ST8SIA5: variants seen among roughly 807,000 people sequenced by gnomAD.
ST8SIA5 encodes the protein alpha-2,8-sialyltransferase 8E.
In ST8SIA5, 24 loss-of-function variants were observed where a neutral mutation model predicts 40.2. That is an observed-to-expected ratio of 0.60 (90% confidence interval 0.43 to 0.84). The LOEUF (loss-of-function observed/expected upper bound fraction) is 0.84. Ranked by LOEUF, ST8SIA5 falls within the 40% of genes least tolerant of loss-of-function variation. The probability of loss-of-function intolerance (pLI) is 0.00; values close to 1 mark genes in which losing one functional copy is unlikely to be tolerated. For synonymous variants in ST8SIA5, 198 were observed against 201.8 expected (o/e 0.98, Z 0.16); for missense variants, 465 against 498.5 (o/e 0.93, Z 0.64).
rs2039402728 is a variant in ST8SIA5 at position 46,682,059 on chromosome 18, TTGCACC to T, written c.570-1_574del. The T allele has an allele frequency of 6.2e-7, 1 of 1,607,454 alleles. No homozygotes were observed. The highest frequency in any genetic ancestry group is 2.2e-5 in the East Asian group (1 of 44,766). Reference sequence around the variant, plus strand: ...GTACTTCTCTGAGATGGGGGGCAGGTTGCACCTGCAGAAGAGAAAAGGCAGCCCAAG... The same window carrying T: ...GTACTTCTCTGAGATGGGGGGCAGGTTGCAGAAGAGAAAAGGCAGCCCAAG... On this transcript the variant is annotated splice_acceptor_variant and coding_sequence_variant, in exon 6 of 7. Transcript: ENST00000315087. LOFTEE classifies it high-confidence loss of function.
At chr18:46,756,010 C>T (rs2040240485) in intron 1 of ST8SIA5, among the ~76,000 whole-genome samples, 1 of 152,218 alleles carries the variant, frequency 6.6e-6, no homozygotes, top group African/African-American at 2.4e-5. Flanking sequence ...ATTTTGAGCC[C>T]TCCGACCCCG....
intron 1 of ST8SIA5, among the ~76,000 whole-genome samples, chr18:46,745,686 A>G (rs2040132833): frequency 6.6e-6 from 1 of 152,246 alleles, no homozygotes; most frequent in Non-Finnish European, 1.5e-5. Context: ...CAATCAATAG[A>G]AAAAGAGGGA....
chr18:46,732,800 G>A (rs765657251), intron 1 of ST8SIA5, among the ~76,000 whole-genome samples: 23 of 152,052 alleles, frequency 1.5e-4, no homozygotes, highest in African/African-American at 2.7e-4. Context: ...TTGTGGGGGC[G>A]AAAGGCTTCA....
chr18:46,743,462 T>G (rs2040107319), intron 1 of ST8SIA5, among the ~76,000 whole-genome samples: 1 of 152,158 alleles, frequency 6.6e-6, no homozygotes, highest in Admixed American at 6.5e-5. Context: ...AGAAAAGGTA[T>G]CAGTGATTGA....
intron 1 of ST8SIA5, among the ~76,000 whole-genome samples, chr18:46,713,940 T>C (rs1341293570): frequency 1.3e-5 from 2 of 152,078 alleles, no homozygotes; most frequent in African/African-American, 2.4e-5. Context: ...GACCTGGTCC[T>C]GGGGCAAGTG....
intron 5 of ST8SIA5, chr18:46,685,958 C>G: frequency 1.7e-6 from 1 of 586,350 alleles, no homozygotes; most frequent in East Asian, 2.8e-5. Flanking sequence ...TAACACATCT[C>G]CCATTGTGCA....
At chr18:46,694,465 A>C (rs1220938289) in intron 2 of ST8SIA5, among the ~76,000 whole-genome samples, 1 of 152,234 alleles carries the variant, frequency 6.6e-6, no homozygotes, top group Admixed American at 6.5e-5. Flanking sequence ...CCTTAAAGGC[A>C]GCACCATGAT....
intron 5 of ST8SIA5, among the ~76,000 whole-genome samples, chr18:46,683,581 G>A (rs2039418485): frequency 6.6e-6 from 1 of 152,012 alleles, no homozygotes. Flanking sequence ...GAAGAATGCG[G>A]TCTTTCGTCA....
At position 46,668,911 on chromosome 18, in the gene ST8SIA5, G is replaced by T. The variant is rs1461132247; in HGVS notation, c.*11131C>A. 6.6e-6 allele frequency: 1 copy of T among 152,436 alleles called. No homozygotes were observed. The highest frequency in any genetic ancestry group is 1.5e-5 in the Non-Finnish European group (1 of 68,194). 9.4% of individuals were successfully genotyped at this position (152,436 alleles called of 1,614,324 possible). On this transcript the variant is annotated 3_prime_UTR_variant, in exon 7 of 7. Transcript: ENST00000315087. ...GGTAGTCTGGCAGGAGCTGCCACTT[G>T]GGACCCCTCCAGCTGCCTCCCACAT...
Position 46,688,868 on chromosome 18 carries a change from C to T in ST8SIA5, c.363G>A (p.Gln121=), listed in dbSNP as rs1172241749. The change falls in exon 4 of 7, where the codon CAG becomes CAA. Residue 121 remains glutamine, a synonymous_variant. Transcript: ENST00000315087. The part of the protein sequence containing the change: ...CNAPAFLFTT[Q]KNTPLGTKLK... ...GCTTTGTCCCCAGGGGAGTGTTCTT[C>T]TGGGTGGTGAAGAGAAAGGCAGGGG... The T allele has an allele frequency of 3.7e-6, 6 of 1,614,140 alleles. No individual in the cohort carries two copies. Among genetic ancestry groups the T allele is most frequent in the Non-Finnish European group, 5.1e-6 (6 of 1,180,012 alleles).
intron 3 of ST8SIA5, among the ~76,000 whole-genome samples, chr18:46,690,777 C>A (rs2039497353): frequency 6.6e-6 from 1 of 152,074 alleles, no homozygotes; most frequent in African/African-American, 2.4e-5. Context: ...CCACACCTGG[C>A]TAATTTCTTT....
Position 46,681,828 on chromosome 18 carries a change from G to C in ST8SIA5, c.662+144C>G, listed in dbSNP as rs375620564. The C allele has an allele frequency of 2.3e-4, 164 of 700,590 alleles. 1 individual carries two copies. The highest frequency in any genetic ancestry group is 3.2e-4 in the Non-Finnish European group (136 of 425,000). The allele number at this position is 700,590 out of a possible 1,614,324, so 43.4% of individuals were successfully genotyped here. A position where few individuals can be genotyped will look rare whatever the true frequency, so the allele number is the denominator to read the frequency against. On this transcript the variant is annotated intron_variant, in intron 6 of 6. Transcript: ENST00000315087. Reference sequence around the variant, plus strand: ...TAATTAGATATGTTATCCTGTTTTTGTATTAAGTCTTTGAAACCCAGTGTG... The same window carrying C: ...TAATTAGATATGTTATCCTGTTTTTCTATTAAGTCTTTGAAACCCAGTGTG...
rs1441627743 is a variant in ST8SIA5 at position 46,679,728 on chromosome 18, G to C, written c.*314C>G. On this transcript the variant is annotated 3_prime_UTR_variant, in exon 7 of 7. Transcript: ENST00000315087. ...TCGGATGACAAAATTGGGTGGAAATGTGCTTTATTCACTTGCCGTCCCCAG... is the reference window on the plus strand; with the variant it reads ...TCGGATGACAAAATTGGGTGGAAATCTGCTTTATTCACTTGCCGTCCCCAG... 5 of 385,246 alleles carry C rather than the reference G, an allele frequency of 1.3e-5. No homozygotes were observed. The highest frequency in any genetic ancestry group is 2.0e-5 in the African/African-American group (1 of 49,628). The allele number at this position is 385,246 out of a possible 1,614,324, so 23.9% of individuals were successfully genotyped here.
intron 1 of ST8SIA5, among the ~76,000 whole-genome samples, chr18:46,740,071 A>G (rs2040073400): frequency 6.6e-6 from 1 of 152,230 alleles, no homozygotes; most frequent in Non-Finnish European, 1.5e-5. Flanking sequence ...CCTACACTCT[A>G]ATCTCTGACT....
In ST8SIA5 at chr18:46,743,427, T is replaced by C. The variant is rs59096021; in HGVS notation, c.131+12951A>G. On this transcript the variant is annotated intron_variant, in intron 1 of 6. Coordinates refer to ENST00000315087, the MANE Select transcript of ST8SIA5 (RefSeq NM_013305.6). ...GAACTTCGTGATGCATGCACAAGCTTCAATAGCCGATTCGATCAAGTGGAA... is the reference window on the plus strand; with the variant it reads ...GAACTTCGTGATGCATGCACAAGCTCCAATAGCCGATTCGATCAAGTGGAA... Among the ~76,000 whole-genome samples, 1,445 of 152,250 alleles carry C rather than the reference T, an allele frequency of 9.5e-3. 23 individuals are homozygous for C. The highest frequency in any genetic ancestry group is 0.032 in the African/African-American group (1,331 of 41,536).
intron 5 of ST8SIA5, among the ~76,000 whole-genome samples, chr18:46,683,999 G>A (rs925316333): frequency 1.3e-5 from 2 of 151,964 alleles, no homozygotes; most frequent in African/African-American, 2.4e-5. Flanking sequence ...TCTAGGACAT[G>A]CCTAGAACAG....
chr18:46,677,180 C>A lies in ST8SIA5; in HGVS notation c.*2862G>T, dbSNP rs1179445484. 6.6e-6 allele frequency: 1 copy of A among 152,250 alleles called. No individual in the cohort carries two copies. Among genetic ancestry groups the A allele is most frequent in the East Asian group, 1.9e-4 (1 of 5,196 alleles). The allele number at this position is 152,250 out of a possible 1,614,324, so 9.4% of individuals were successfully genotyped here. A position where few individuals can be genotyped will look rare whatever the true frequency, so the allele number is the denominator to read the frequency against. On this transcript the variant is annotated 3_prime_UTR_variant, in exon 7 of 7. Coordinates refer to ENST00000315087, the MANE Select transcript of ST8SIA5 (RefSeq NM_013305.6). Reference sequence around the variant, plus strand: ...TAGAGCATTTGTCCCTGGAGGAGGGCCCCGTACTATCCTGCAGGGGCATCT... The same window carrying A: ...TAGAGCATTTGTCCCTGGAGGAGGGACCCGTACTATCCTGCAGGGGCATCT...
intron 2 of ST8SIA5, among the ~76,000 whole-genome samples, chr18:46,695,084 A>G (rs1253850903): frequency 1.3e-5 from 2 of 151,074 alleles, no homozygotes; most frequent in Non-Finnish European, 1.5e-5. Context: ...GCTTGAACCC[A>G]GGAGGTGGAG....
chr18:46,707,919 G>A (rs2039685473), intron 1 of ST8SIA5, among the ~76,000 whole-genome samples: 1 of 152,296 alleles, frequency 6.6e-6, no homozygotes, highest in South Asian at 2.1e-4. Flanking sequence ...AGAACTGTGA[G>A]CAATACATTT....
Sources: gnomAD v4.1 joint callset for allele counts (sites outside exome capture counted in the v4.1 genomes callset) on GRCh38, gnomAD v4.1.1 for gene constraint, MANE v1.5 for transcripts, NCBI Gene and HGNC (gene_info 2026-07-23, HGNC 2026-07-21) for gene names.